Variants in ZSWIM6 observed in about 807,000 individuals in gnomAD.
The protein encoded by ZSWIM6 is zinc finger SWIM domain-containing protein 6.
A neutral mutation model predicts 113.2 loss-of-function variants in ZSWIM6; 9 were observed. The observed-to-expected ratio is 0.08, with a 90% CI of 0.05 to 0.14. ZSWIM6 has a LOEUF of 0.14. Among genes scored for constraint, ZSWIM6 ranks in the 10% least tolerant of loss-of-function variants. The pLI, the probability that ZSWIM6 is intolerant of heterozygous loss-of-function variation, is 1.00. For missense variants in ZSWIM6, 1,162 were observed against 1,552.2 expected (o/e 0.75, Z 4.22); for synonymous variants, 611 against 606.5 (o/e 1.01, Z -0.11).
intron 1 of ZSWIM6, among the ~76,000 whole-genome samples, chr5:61,433,278 G>C (rs893120130): frequency 1.3e-5 from 2 of 152,084 alleles, no homozygotes; most frequent in African/African-American, 4.8e-5. Context: ...TAGGAGAAAA[G>C]GGATCATTTC....
At chr5:61,401,251 C>A (rs182037379) in intron 1 of ZSWIM6, among the ~76,000 whole-genome samples, 29 of 152,132 alleles carry the variant, frequency 1.9e-4, no homozygotes, top group African/African-American at 6.7e-4. Context: ...GCTGGTGGAG[C>A]AACAGACGGA....
At chr5:61,455,060 G>C (rs1580004872) in intron 1 of ZSWIM6, among the ~76,000 whole-genome samples, 1 of 151,804 alleles carries the variant, frequency 6.6e-6, no homozygotes, top group African/African-American at 2.4e-5. Flanking sequence ...TAAAAAATAG[G>C]TATTTGTCTT....
intron 1 of ZSWIM6, among the ~76,000 whole-genome samples, chr5:61,376,809 G>T (rs1745382012): frequency 6.9e-6 from 1 of 144,690 alleles, no homozygotes; most frequent in South Asian, 2.2e-4. Context: ...TTTTGTTTAG[G>T]CTGCAATGTT....
chr5:61,347,375 G>C (rs533117000), intron 1 of ZSWIM6: 13 of 173,012 alleles, frequency 7.5e-5, no homozygotes, highest in Middle Eastern at 1.5e-3. Flanking sequence ...AGGTGTCTTT[G>C]TTAAGTGGAG....
rs540036440 is a variant in ZSWIM6 at position 61,539,697 on chromosome 5, A to G, written c.2641A>G (p.Thr881Ala). The G allele has an allele frequency of 5.8e-6, 9 of 1,551,588 alleles. No individual in the cohort carries two copies. The highest frequency in any genetic ancestry group is 4.8e-5 in the South Asian group (4 of 84,014). The change falls in exon 12 of 14, where the codon ACT (threonine) becomes GCT (alanine). Residue 881 changes from threonine to alanine, a missense_variant. By Grantham distance (58) the Thr-to-Ala change is moderately conservative. Transcript: ENST00000252744. ...TGCCCAAGATGCATTTAAAATAGCA[A>G]CTCTCATGGACAGTTTGCCAGACAT... ...KLAQDAFKIA[T>A]LMDSLPDITL...
At chr5:61,422,757 T>C (rs968290537) in intron 1 of ZSWIM6, among the ~76,000 whole-genome samples, 2 of 152,228 alleles carry the variant, frequency 1.3e-5, no homozygotes, top group Admixed American at 1.3e-4. Flanking sequence ...TAGTGTTTTA[T>C]AATTTTCATT....
intron 1 of ZSWIM6, among the ~76,000 whole-genome samples, chr5:61,453,372 C>CTT (rs1206170680): frequency 7.5e-6 from 1 of 133,514 alleles, no homozygotes; most frequent in Non-Finnish European, 1.6e-5. Flanking sequence ...CGTCCACTCT[C>CTT]TCTCTCTTTT....
chr5:61,333,508 T>C lies in ZSWIM6; in HGVS notation c.676+560T>C, dbSNP rs1053826375. Among the ~76,000 whole-genome samples the C allele has an allele frequency of 3.3e-5, 5 of 151,492 alleles. No individual in the cohort carries two copies. The East Asian group carries it at 9.8e-4, about 30-fold the overall frequency. ...ACACTTAAAGCCGCTCGGCCGCCGCTCCTCCCAGGGCTCCGACGGGCGAGC... is the reference window on the plus strand; with the variant it reads ...ACACTTAAAGCCGCTCGGCCGCCGCCCCTCCCAGGGCTCCGACGGGCGAGC... On this transcript the variant is annotated intron_variant, in intron 1 of 13. Transcript: ENST00000252744.
chr5:61,498,104 A>G (rs1468950226), intron 4 of ZSWIM6, among the ~76,000 whole-genome samples: 1 of 152,164 alleles, frequency 6.6e-6, no homozygotes, highest in Non-Finnish European at 1.5e-5. Flanking sequence ...TCATAAAACT[A>G]TAGGTTGTGG....
chr5:61,461,653 T>C (rs1747326337), intron 1 of ZSWIM6, among the ~76,000 whole-genome samples: 1 of 152,172 alleles, frequency 6.6e-6, no homozygotes, highest in Non-Finnish European at 1.5e-5. Flanking sequence ...GGTGTGGTTA[T>C]TACCAGGCTC....
intron 1 of ZSWIM6, among the ~76,000 whole-genome samples, chr5:61,373,792 C>G (rs1313105692): frequency 6.6e-6 from 1 of 152,044 alleles, no homozygotes; most frequent in Admixed American, 6.5e-5. Context: ...CTTACTCCCC[C>G]CCACTCGTCA....
chr5:61,434,139 A>G (rs887661259), intron 1 of ZSWIM6, among the ~76,000 whole-genome samples: 18 of 147,326 alleles, frequency 1.2e-4, no homozygotes, highest in Non-Finnish European at 1.8e-4. Flanking sequence ...AATATATACT[A>G]TATATAACAT....
In ZSWIM6 at chr5:61,526,390, A is replaced by G. The variant is rs1458023369; in HGVS notation, c.1831A>G (p.Lys611Glu). 6.4e-7 allele frequency: 1 copy of G among 1,552,052 alleles called. No individual in the cohort carries two copies. Among genetic ancestry groups the G allele is most frequent in the Non-Finnish European group, 8.7e-7 (1 of 1,147,024 alleles). The change falls in exon 7 of 14, where the codon AAA becomes GAA. Residue 611 changes from lysine to glutamate, a missense_variant. Coordinates refer to ENST00000252744, the MANE Select transcript of ZSWIM6 (RefSeq NM_020928.2). ...ACAGTTGGAAATGTTCCGAACCCAA[A>G]AAAAAGGTGAATGTGAAGGAGTTTG... ...QKQLEMFRTQ[K>E]KELPHKNITS...
At chr5:61,406,962 C>T (rs1403628500) in intron 1 of ZSWIM6, among the ~76,000 whole-genome samples, 2 of 152,210 alleles carry the variant, frequency 1.3e-5, no homozygotes, top group African/African-American at 4.8e-5. Flanking sequence ...ATCCACCCAC[C>T]TCAGCCTCCC....
chr5:61,362,201 C>CTT (rs111319467), intron 1 of ZSWIM6, among the ~76,000 whole-genome samples: 3 of 144,808 alleles, frequency 2.1e-5, no homozygotes, highest in Non-Finnish European at 1.5e-5. Context: ...TTCTTACTCA[C>CTT]TTTTTTTTTT....
At chr5:61,458,253 A>G (rs1221093094) in intron 1 of ZSWIM6, among the ~76,000 whole-genome samples, 1 of 152,180 alleles carries the variant, frequency 6.6e-6, no homozygotes, top group African/African-American at 2.4e-5. Context: ...TAAACCAAAG[A>G]AAAAAATAAC....
intron 1 of ZSWIM6, among the ~76,000 whole-genome samples, chr5:61,439,170 G>A (rs891260708): frequency 6.6e-6 from 1 of 152,104 alleles, no homozygotes; most frequent in Non-Finnish European, 1.5e-5. Context: ...CTAACCTTTG[G>A]CTATATATAG....
chr5:61,387,018 A>G (rs562916012), intron 1 of ZSWIM6, among the ~76,000 whole-genome samples: 2 of 152,216 alleles, frequency 1.3e-5, no homozygotes, highest in Admixed American at 1.3e-4. Flanking sequence ...TGTATTATTT[A>G]TGATATTGAT....
chr5:61,373,177 G>A (rs981323459), intron 1 of ZSWIM6, among the ~76,000 whole-genome samples: 60 of 151,800 alleles, frequency 4.0e-4, no homozygotes, highest in Admixed American at 3.7e-3. Flanking sequence ...GAACTCCTGG[G>A]CCCAAGCAGT....
Sources: allele counts gnomAD v4.1 joint callset (sites outside exome capture counted in the v4.1 genomes callset), GRCh38; gene constraint gnomAD v4.1.1; transcripts MANE v1.5; gene names NCBI Gene and HGNC (gene_info 2026-07-23, HGNC 2026-07-21).